EBF4: variants seen among roughly 807,000 people sequenced by gnomAD.
EBF4 encodes transcription factor COE4.
A neutral mutation model predicts 67.1 loss-of-function variants in EBF4; 34 were observed. That is an observed-to-expected ratio of 0.51 (90% confidence interval 0.39 to 0.67). EBF4 has a LOEUF of 0.67. Among genes scored for constraint, EBF4 ranks in the 30% least tolerant of loss-of-function variants. The pLI, the probability that EBF4 is intolerant of heterozygous loss-of-function variation, is 0.00. For missense variants in EBF4, 837 were observed against 873.3 expected (o/e 0.96, Z 0.52); for synonymous variants, 387 against 377.7 (o/e 1.02, Z -0.29).
chr20:2,731,708 C>T (rs971434702), intron 6 of EBF4, among the ~76,000 whole-genome samples: 3 of 152,186 alleles, frequency 2.0e-5, no homozygotes, highest in Admixed American at 6.5e-5. Flanking sequence ...TTTCTCTGTC[C>T]GTGGGTACCA....
chr20:2,705,579 G>C (rs1275575461), exon 2 of EBF4: 1 of 1,551,830 alleles, frequency 6.4e-7, no homozygotes, highest in Admixed American at 2.0e-5. Context: ...TCCCACAGTG[G>C]CGTGGGTCTG....
At chr20:2,750,026 C>G (rs1343009963) in intron 10 of EBF4, 53 bp downstream of exon 10, 1 of 1,502,502 alleles carries the variant, frequency 6.7e-7, no homozygotes, top group South Asian at 1.3e-5. Context: ...GGGAGCCCCA[C>G]CCTGCGCACT....
chr20:2,698,121 A>G (rs1056842465), intron 1 of EBF4, among the ~76,000 whole-genome samples: 2 of 152,324 alleles, frequency 1.3e-5, no homozygotes, highest in African/African-American at 2.4e-5. Flanking sequence ...GAGGGCCAAA[A>G]GAAGAGGGGG....
intron 6 of EBF4, among the ~76,000 whole-genome samples, chr20:2,737,107 G>C (rs982642138): frequency 1.3e-5 from 2 of 150,766 alleles, no homozygotes; most frequent in Non-Finnish European, 2.9e-5. Flanking sequence ...AAAATTAGCC[G>C]GGCGTGGTGG....
In EBF4 at chr20:2,751,363, G is replaced by A. The variant is rs928369294; in HGVS notation, c.1019-337G>A. Among the ~76,000 whole-genome samples, 1 of 152,202 alleles carries A rather than the reference G, an allele frequency of 6.6e-6. No individual in the cohort carries two copies. Among genetic ancestry groups the A allele is most frequent in the Non-Finnish European group, 1.5e-5 (1 of 68,040 alleles). ...ATGAAAAGAGAAAACTCTCCATCGA[G>A]TCCTGCCCTTAGGACTATAACTCAT... is the stretch of plus-strand genomic sequence containing the variant. On this transcript the variant is annotated intron_variant, in intron 10 of 16. Transcript: ENST00000609451. The surrounding 1 kb of genome is among the most constrained non-coding windows in gnomAD (Gnocchi z 5.2).
At chr20:2,758,770 T>C in intron 15 of EBF4, 139 bp from the exon 16 acceptor site, 1 of 736,898 alleles carries the variant, frequency 1.4e-6, no homozygotes, top group Non-Finnish European at 2.3e-6. Flanking sequence ...AGTGCTGCCA[T>C]GGGCCAGGGC....
rs140440937 is a variant in EBF4, at chr20:2,742,341, G to C, written c.558-6208G>C. 1.9e-4 allele frequency among the ~76,000 whole-genome samples: 29 copies of C among 152,342 alleles called. No individual in the cohort carries two copies. The East Asian group carries it at 5.6e-3, about 29-fold the overall frequency. On this transcript the variant is annotated intron_variant, in intron 6 of 16. Transcript: ENST00000609451. Reference sequence around the variant, plus strand: ...AGTGACAAACTCAGCAGCGTTCTGGGCAGTTGCTAAGGTGCTGAGTGCCTG... The same window carrying C: ...AGTGACAAACTCAGCAGCGTTCTGGCCAGTTGCTAAGGTGCTGAGTGCCTG...
chr20:2,741,703 A>G (rs576267767), intron 6 of EBF4, among the ~76,000 whole-genome samples: 2 of 152,312 alleles, frequency 1.3e-5, no homozygotes, highest in African/African-American at 4.8e-5. Context: ...CCTTTAAGTC[A>G]CAGGCATCAG....
intron 1 of EBF4, among the ~76,000 whole-genome samples, chr20:2,695,697 G>A (rs145327781): frequency 5.9e-5 from 9 of 152,130 alleles, no homozygotes; most frequent in Non-Finnish European, 8.8e-5. Context: ...AGTTGTATCT[G>A]GTTCCTCAGT....
chr20:2,711,352 C>G (rs2087542893), intron 6 of EBF4, among the ~76,000 whole-genome samples: 1 of 152,002 alleles, frequency 6.6e-6, no homozygotes, highest in African/African-American at 2.4e-5. Context: ...TTTAAATAGT[C>G]AGATATTGCT....
At chr20:2,742,264 G>A (rs2087979139) in intron 6 of EBF4, among the ~76,000 whole-genome samples, 1 of 152,182 alleles carries the variant, frequency 6.6e-6, no homozygotes, top group Admixed American at 6.5e-5. Flanking sequence ...TCCGTAAAGT[G>A]GGAATGGTTG....
intron 6 of EBF4, among the ~76,000 whole-genome samples, chr20:2,718,459 T>A (rs1015965966): frequency 2.0e-5 from 3 of 152,232 alleles, no homozygotes; most frequent in Admixed American, 2.0e-4. Flanking sequence ...GTAATCTCAA[T>A]TTCTCTAATA....
At chr20:2,749,591 C>G in intron 8 of EBF4, 29 bp from the exon 9 acceptor site, 1 of 1,550,150 alleles carries the variant, frequency 6.5e-7, no homozygotes, top group Non-Finnish European at 8.7e-7. Context: ...AGCGCGGTCC[C>G]CTGACCTGGG....
rs151019072 is a variant in EBF4 at position 2,742,176 on chromosome 20, C to T, written c.558-6373C>T. On this transcript the variant is annotated intron_variant, in intron 6 of 16. Coordinates refer to ENST00000609451, the Ensembl canonical transcript of EBF4. ...TGTCGGCATCAGTGGTTCATAAAGA[C>T]CCGTTTTCATATCCTTACTTTAGCA... Among the ~76,000 whole-genome samples, 268 of 152,304 alleles carry T rather than the reference C, an allele frequency of 1.8e-3. 4 individuals carry two copies. The South Asian group carries it at 0.025, about 14-fold the overall frequency.
In EBF4 at chr20:2,755,889, A is replaced by G; in HGVS notation, c.1738+65A>G. The G allele has an allele frequency of 6.9e-7, 1 of 1,448,728 alleles. No homozygotes were observed. Among genetic ancestry groups the G allele is most frequent in the Middle Eastern group, 2.1e-4 (1 of 4,772 alleles). The allele number at this position is 1,448,728 out of a possible 1,614,324, so 89.7% of individuals were successfully genotyped here. On this transcript the variant is annotated intron_variant, in intron 15 of 16. Coordinates refer to ENST00000609451, the Ensembl canonical transcript of EBF4. The surrounding 1 kb of genome is among the most constrained non-coding windows in gnomAD (Gnocchi z 4.7). The stretch of plus-strand genomic sequence containing the variant: ...GGCCCTTGTGGAGCAGCTGGGCTAC[A>G]GGGGCCTGCTCTGTCCACATCTCAC...
rs2088248993 is a variant in EBF4 at position 2,756,684 on chromosome 20, G to T, written c.1738+860G>T. ...TGAATATATGAGTCAGAAGGGCACC[G>T]TTCACACCCACACAGAAGGCTGCAG... On this transcript the variant is annotated intron_variant, in intron 15 of 16. Coordinates refer to ENST00000609451, the Ensembl canonical transcript of EBF4. The surrounding 1 kb of genome is among the most constrained non-coding windows in gnomAD (Gnocchi z 4.5). 6.6e-6 allele frequency among the ~76,000 whole-genome samples: 1 copy of T among 152,206 alleles called. No homozygotes were observed. The highest frequency in any genetic ancestry group is 1.5e-5 in the Non-Finnish European group (1 of 68,034).
Position 2,756,597 on chromosome 20 carries a change from G to A in EBF4, c.1738+773G>A, listed in dbSNP as rs994437701. Among the ~76,000 whole-genome samples the A allele has an allele frequency of 6.6e-6, 1 of 152,216 alleles. No homozygotes were observed. Among genetic ancestry groups the A allele is most frequent in the African/African-American group, 2.4e-5 (1 of 41,440 alleles). On this transcript the variant is annotated intron_variant, in intron 15 of 16. Transcript: ENST00000609451. This position sits in a 1 kb window ranked among gnomAD's most constrained non-coding sequence, Gnocchi z 4.5. ...TTTTCTGGCTAAGGGATGCTTCCAC[G>A]GGATCCCCTAGGACTCAATCTGGCA...
intron 6 of EBF4, among the ~76,000 whole-genome samples, chr20:2,741,511 A>G (rs1025827036): frequency 1.3e-5 from 2 of 152,226 alleles, no homozygotes; most frequent in African/African-American, 4.8e-5. Context: ...CACTTTAGCC[A>G]TACTCAACCC....
rs2146507754 is a variant in EBF4, at chr20:2,752,405, GC to G, written c.1404del (p.Gly469AlafsTer78). ...GCGTCCCCCCGCGGGTTCGCGCCCA[GC>G]CCCGGCTCGCAGCAGAGCGGCTACG... is the stretch of plus-strand genomic sequence containing the variant. On this transcript the variant is annotated frameshift_variant, in exon 14 of 17. Coordinates refer to ENST00000609451, the Ensembl canonical transcript of EBF4. LOFTEE classifies it high-confidence loss of function. 1 of 1,284,686 alleles carries G rather than the reference GC, an allele frequency of 7.8e-7. No individual in the cohort carries two copies. The highest frequency in any genetic ancestry group is 2.5e-5 in the South Asian group (1 of 40,572). The allele number at this position is 1,284,686 out of a possible 1,614,324, so 79.6% of individuals were successfully genotyped here.
Sources: gnomAD v4.1 joint callset for allele counts (sites outside exome capture counted in the v4.1 genomes callset) on GRCh38, gnomAD v4.1.1 for gene constraint, Gnocchi (gnomAD v3.1) non-coding constraint, MANE v1.5 for transcripts, NCBI Gene and HGNC (gene_info 2026-07-23, HGNC 2026-07-21) for gene names.